The following TAS2R1 variants were observed in gnomAD, a reference collection of about 807,000 sequenced individuals.
TAS2R1 encodes the protein taste receptor type 2 member 1.
For synonymous variants in TAS2R1, 141 were observed against 134.2 expected, an observed-to-expected ratio of 1.05 and a Z score of -0.35; for missense variants, 370 against 353.4, an observed-to-expected ratio of 1.05 and a Z score of -0.38.
the TAS2R1 span, among the ~76,000 whole-genome samples, chr5:9,770,223 T>C: frequency 0.35 from 53,440 of 151,990 alleles, 10,069 homozygotes; most frequent in Admixed American, 0.44. Context: ...TCATTGTAAA[T>C]GTATGGGTTT....
the TAS2R1 span, among the ~76,000 whole-genome samples, chr5:9,845,388 T>C: frequency 6.6e-6 from 1 of 152,218 alleles, no homozygotes; most frequent in East Asian, 1.9e-4. Context: ...AATCTAGATA[T>C]GTTGCATGCA....
intron 1 of TAS2R1, among the ~76,000 whole-genome samples, chr5:9,663,664 T>C (rs1460420987): frequency 2.0e-5 from 3 of 152,204 alleles, no homozygotes; most frequent in Non-Finnish European, 4.4e-5. Context: ...TCAAAAAGTT[T>C]TAGGTAGCAG....
the TAS2R1 span, among the ~76,000 whole-genome samples, chr5:9,744,961 T>C: frequency 6.6e-6 from 1 of 152,178 alleles, no homozygotes; most frequent in Admixed American, 6.5e-5. Flanking sequence ...AAAACGAAGA[T>C]GGACTGATAG....
At chr5:9,895,856 G>T in the TAS2R1 span, among the ~76,000 whole-genome samples, 1 of 152,198 alleles carries the variant, frequency 6.6e-6, no homozygotes, top group African/African-American at 2.4e-5. Context: ...GTAATCTGAT[G>T]GAGTTACAGT....
chr5:9,643,395 A>G (rs1474206314), intron 2 of TAS2R1, among the ~76,000 whole-genome samples: 1 of 152,204 alleles, frequency 6.6e-6, no homozygotes, highest in Non-Finnish European at 1.5e-5. Flanking sequence ...ACATAGAAAA[A>G]GTACAGTAAA....
At chr5:9,724,102 G>T in the TAS2R1 span, among the ~76,000 whole-genome samples, 1 of 152,192 alleles carries the variant, frequency 6.6e-6, no homozygotes, top group African/African-American at 2.4e-5. Flanking sequence ...GTGTCAGGAA[G>T]AACAGTCTTC....
chr5:9,775,797 G>A, the TAS2R1 span, among the ~76,000 whole-genome samples: 2 of 152,194 alleles, frequency 1.3e-5, no homozygotes, highest in Admixed American at 6.5e-5. Context: ...TACTGTGGCT[G>A]AGCTGATATC....
chr5:9,782,917 T>C, the TAS2R1 span, among the ~76,000 whole-genome samples: 441 of 152,244 alleles, frequency 2.9e-3, 2 homozygotes, highest in Middle Eastern at 6.8e-3. Context: ...AGAATGAGGA[T>C]AGCTAGGGAG....
upstream of TAS2R1, among the ~76,000 whole-genome samples, chr5:9,716,028 G>A (rs770264157): frequency 5.9e-5 from 9 of 152,210 alleles, no homozygotes; most frequent in African/African-American, 1.2e-4. Flanking sequence ...CGTGGAAGGT[G>A]GAGAGAGGAC....
chr5:9,686,391 C>T (rs144172818), intron 1 of TAS2R1, among the ~76,000 whole-genome samples: 2 of 152,278 alleles, frequency 1.3e-5, no homozygotes, highest in African/African-American at 4.8e-5. Context: ...TGTTATCCCT[C>T]GGCATTTCTC....
At chr5:9,872,745 A>G in the TAS2R1 span, among the ~76,000 whole-genome samples, 1 of 152,250 alleles carries the variant, frequency 6.6e-6, no homozygotes, top group Non-Finnish European at 1.5e-5. Flanking sequence ...ACTCTAGCAC[A>G]TGAAGAAATG....
the TAS2R1 span, among the ~76,000 whole-genome samples, chr5:9,800,322 G>A: frequency 3.9e-5 from 6 of 152,204 alleles, no homozygotes; most frequent in African/African-American, 4.8e-5. Context: ...CTCTGGGAAT[G>A]AGACATATTT....
the TAS2R1 span, among the ~76,000 whole-genome samples, chr5:9,881,172 A>G: frequency 6.6e-6 from 1 of 152,058 alleles, no homozygotes; most frequent in Non-Finnish European, 1.5e-5. Context: ...TACAAAATCA[A>G]TGTGCAAAAG....
chr5:9,742,347 C>T, the TAS2R1 span, among the ~76,000 whole-genome samples: 2 of 152,182 alleles, frequency 1.3e-5, no homozygotes, highest in South Asian at 2.1e-4. Context: ...CTTATCACTA[C>T]ATCCCTGCTC....
the TAS2R1 span, among the ~76,000 whole-genome samples, chr5:9,761,660 T>A: frequency 2.6e-5 from 4 of 152,232 alleles, no homozygotes; most frequent in Non-Finnish European, 5.9e-5. Flanking sequence ...TGAATGCCTT[T>A]GCTCAGTTAT....
the TAS2R1 span, among the ~76,000 whole-genome samples, chr5:9,796,721 G>GAAAA: frequency 1.0e-5 from 1 of 99,784 alleles, no homozygotes; most frequent in African/African-American, 3.1e-5. Context: ...CTATTTTCTG[G>GAAAA]AAAAAAAAAA....
chr5:9,683,030 A>G (rs573514115), intron 1 of TAS2R1, among the ~76,000 whole-genome samples: 1 of 152,168 alleles, frequency 6.6e-6, no homozygotes, highest in Non-Finnish European at 1.5e-5. Context: ...AGATCCTTTA[A>G]TGTAGTCTAA....
the TAS2R1 span, among the ~76,000 whole-genome samples, chr5:9,810,320 C>A: frequency 6.6e-6 from 1 of 152,218 alleles, no homozygotes; most frequent in Non-Finnish European, 1.5e-5. Flanking sequence ...TCTCTCTTGA[C>A]TTCTATGTGT....
chr5:9,822,515 A>G, the TAS2R1 span, among the ~76,000 whole-genome samples: 3 of 151,652 alleles, frequency 2.0e-5, no homozygotes. Flanking sequence ...ACGCCTGGCT[A>G]ATTTTCTGTA....
Sources: gnomAD v4.1 joint callset for allele counts (sites outside exome capture counted in the v4.1 genomes callset) on GRCh38, gnomAD v4.1.1 for gene constraint, MANE v1.5 for transcripts, NCBI Gene and HGNC (gene_info 2026-07-23, HGNC 2026-07-21) for gene names.